The following CSMD1 variants were observed in gnomAD, a reference collection of about 807,000 sequenced individuals.
The protein encoded by CSMD1 is CUB and Sushi multiple domains 1.
CSMD1 carries 213 observed loss-of-function variants against 417.5 expected under a neutral mutation model. That is an observed-to-expected ratio of 0.51 (90% confidence interval 0.46 to 0.57). CSMD1 has a LOEUF of 0.57. CSMD1 is among the 20% of genes least tolerant of loss of function. The pLI is 0.00. For synonymous variants in CSMD1, 2,862 were observed against 1,736.8 expected, an observed-to-expected ratio of 1.65 and a Z score of -16.11; for missense variants, 6,923 against 4,529.7, an observed-to-expected ratio of 1.53 and a Z score of -15.17.
intron 42 of CSMD1, among the ~76,000 whole-genome samples, chr8:3,114,054 A>AAAACAAACAAAC (rs139727872): frequency 6.6e-6 from 1 of 150,626 alleles, no homozygotes; most frequent in Non-Finnish European, 1.5e-5. Flanking sequence ...CCCATCTATT[A>AAAACAAACAAAC]AAACAAACAA....
intron 12 of CSMD1, among the ~76,000 whole-genome samples, chr8:3,439,074 G>C (rs1371444129): frequency 9.0e-6 from 1 of 111,290 alleles, no homozygotes; most frequent in Non-Finnish European, 1.7e-5. Context: ...AGTGAGCCAA[G>C]ATCGTGCCAC....
intron 3 of CSMD1, among the ~76,000 whole-genome samples, chr8:4,192,273 G>C (rs1276895588): frequency 1.3e-5 from 2 of 152,184 alleles, no homozygotes; most frequent in African/African-American, 2.4e-5. Flanking sequence ...TGACTGTCTA[G>C]ATAATAATTT....
chr8:3,459,872 TA>T (rs140950680), intron 12 of CSMD1, among the ~76,000 whole-genome samples: 86 of 151,212 alleles, frequency 5.7e-4, no homozygotes, highest in Non-Finnish European at 8.1e-4. Flanking sequence ...AACTAAGACT[TA>T]AAAAAAAACT....
chr8:3,692,760 T>G (rs148631886), intron 7 of CSMD1, among the ~76,000 whole-genome samples: 5 of 152,290 alleles, frequency 3.3e-5, no homozygotes, highest in African/African-American at 1.2e-4. Flanking sequence ...TGAACTTTTC[T>G]GAGGCCCATG....
At chr8:3,273,010 A>C (rs995728453) in intron 26 of CSMD1, among the ~76,000 whole-genome samples, 10 of 151,308 alleles carry the variant, frequency 6.6e-5, no homozygotes, top group Admixed American at 5.3e-4. Context: ...GTCTTGTGCC[A>C]GTCTTCAAAG....
chr8:3,017,979 A>C (rs632014), intron 52 of CSMD1, among the ~76,000 whole-genome samples: 31,703 of 152,056 alleles, frequency 0.21, 6,024 homozygotes, highest in African/African-American at 0.51. Flanking sequence ...TTATTCAAAG[A>C]ATTTTCCAAT....
chr8:3,617,459 T>C (rs1802196238), intron 7 of CSMD1, among the ~76,000 whole-genome samples: 1 of 152,192 alleles, frequency 6.6e-6, no homozygotes, highest in African/African-American at 2.4e-5. Context: ...CTAATCAAAC[T>C]AACACATTTC....
At chr8:3,329,687 C>T (rs1806769939) in intron 23 of CSMD1, among the ~76,000 whole-genome samples, 1 of 152,146 alleles carries the variant, frequency 6.6e-6, no homozygotes, top group South Asian at 2.1e-4. Flanking sequence ...AAAGAGTTGC[C>T]CAGCCCCGGG....
chr8:4,453,614 T>G (rs1236631594), intron 2 of CSMD1, among the ~76,000 whole-genome samples: 2 of 152,030 alleles, frequency 1.3e-5, no homozygotes, highest in African/African-American at 2.4e-5. Flanking sequence ...GACAGCACAG[T>G]GCTGAGAAAT....
intron 5 of CSMD1, among the ~76,000 whole-genome samples, chr8:3,836,646 A>C (rs1283919135): frequency 1.3e-5 from 2 of 152,276 alleles, no homozygotes; most frequent in Admixed American, 6.6e-5. Context: ...TTACACATTC[A>C]CAACATGAGA....
At chr8:4,460,892 G>A (rs59518789) in intron 2 of CSMD1, among the ~76,000 whole-genome samples, 1 of 152,074 alleles carries the variant, frequency 6.6e-6, no homozygotes, top group African/African-American at 2.4e-5. Context: ...TCCAAAAATA[G>A]AAGAGGGATC....
chr8:3,020,632 T>C, intron 51 of CSMD1, among the ~76,000 whole-genome samples: 1 of 152,160 alleles, frequency 6.6e-6, no homozygotes, highest in East Asian at 1.9e-4. Flanking sequence ...ATCTTGGCCT[T>C]CCCAGAAGCC....
At chr8:4,164,364 G>C (rs544067290) in intron 3 of CSMD1, among the ~76,000 whole-genome samples, 2 of 152,038 alleles carry the variant, frequency 1.3e-5, no homozygotes, top group Non-Finnish European at 2.9e-5. Context: ...GTCACACACT[G>C]TACTTGTTGG....
chr8:3,817,120 A>G (rs914795909), intron 5 of CSMD1, among the ~76,000 whole-genome samples: 23 of 152,022 alleles, frequency 1.5e-4, no homozygotes, highest in Admixed American at 1.4e-3. Flanking sequence ...TCTTATAGAG[A>G]GAGCTCTTCA....
At chr8:3,573,292 G>T (rs1474828867) in intron 10 of CSMD1, among the ~76,000 whole-genome samples, 2 of 152,180 alleles carry the variant, frequency 1.3e-5, no homozygotes, top group Non-Finnish European at 2.9e-5. Context: ...GGTTCTTAAA[G>T]TGATGATTGC....
Position 4,754,280 on chromosome 8 carries a change from A to G in CSMD1, c.86-116722T>C, listed in dbSNP as rs532039499. Among the ~76,000 whole-genome samples, 3 of 152,330 alleles carry G rather than the reference A, an allele frequency of 2.0e-5. No individual in the cohort carries two copies. In the South Asian group the frequency reaches 6.2e-4, roughly 32 times the overall value. The stretch of plus-strand genomic sequence containing the variant: ...AAGATTGACTAAGAAGACAATTGCC[A>G]GAAATTGCACTGTTACCCGGTAGAG... On this transcript the variant is annotated intron_variant, in intron 1 of 69. Transcript: ENST00000635120.
At chr8:3,838,003 C>T (rs1585069780) in intron 5 of CSMD1, among the ~76,000 whole-genome samples, 1 of 152,102 alleles carries the variant, frequency 6.6e-6, no homozygotes, top group East Asian at 1.9e-4. Flanking sequence ...ACTTCTGATG[C>T]CCTCCCCAAC....
intron 1 of CSMD1, among the ~76,000 whole-genome samples, chr8:4,677,194 AT>A (rs1241889400): frequency 6.6e-6 from 1 of 150,400 alleles, no homozygotes; most frequent in Admixed American, 6.6e-5. Flanking sequence ...TCAGGTAACT[AT>A]ACATAATAGT....
intron 42 of CSMD1, chr8:3,113,511 C>G (rs559930076): frequency 6.6e-6 from 1 of 152,198 alleles, no homozygotes; most frequent in East Asian, 1.9e-4. Context: ...AGCTAGCAGT[C>G]GCTGTGTTGA....
Sources: gnomAD v4.1 joint callset for allele counts (sites outside exome capture counted in the v4.1 genomes callset) on GRCh38, gnomAD v4.1.1 for gene constraint, MANE v1.5 for transcripts, NCBI Gene and HGNC (gene_info 2026-07-23, HGNC 2026-07-21) for gene names.